The following MAT2B variants were observed in gnomAD, a reference collection of about 807,000 sequenced individuals.
The protein encoded by MAT2B is methionine adenosyltransferase 2 non-catalytic beta subunit, also known as methionine adenosyltransferase 2 subunit beta.
In MAT2B, 16 loss-of-function variants were observed where a neutral mutation model predicts 36.1. The ratio of observed to expected loss-of-function variants is 0.44; its 90% CI spans 0.30 to 0.67. MAT2B has a LOEUF of 0.67. Ranked by LOEUF, MAT2B falls within the 30% of genes least tolerant of loss-of-function variation. The pLI is 0.09. For synonymous variants in MAT2B, 148 were observed against 136.9 expected, an observed-to-expected ratio of 1.08 and a Z score of -0.57; for missense variants, 332 against 398.2, an observed-to-expected ratio of 0.83 and a Z score of 1.42.
In MAT2B at chr5:163,517,471, G is replaced by A. The variant is rs1003470300; in HGVS notation, c.721-90G>A. Reference sequence around the variant, plus strand: ...AAAGAGGGTTGCCTTTTAGTTCCTGGACCTTATTTTAAGTAAGCTTTTTGG... The same window carrying A: ...AAAGAGGGTTGCCTTTTAGTTCCTGAACCTTATTTTAAGTAAGCTTTTTGG... On this transcript the variant is annotated intron_variant, in intron 5 of 6. Coordinates refer to ENST00000321757, the MANE Select transcript of MAT2B (RefSeq NM_013283.5). The A allele has an allele frequency of 4.3e-6, 3 of 697,412 alleles. No individual in the cohort carries two copies. In the African/African-American group the frequency reaches 5.3e-5, roughly 12 times the overall value. 43.2% of individuals were successfully genotyped at this position (697,412 alleles called of 1,614,324 possible).
At chr5:163,510,394 CTT>C (rs1270371144) in intron 1 of MAT2B, among the ~76,000 whole-genome samples, 6 of 121,722 alleles carry the variant, frequency 4.9e-5, no homozygotes, top group Non-Finnish European at 1.0e-4. Context: ...TTAGTTTTAG[CTT>C]TTTTTTTTTT....
At position 163,513,627 on chromosome 5, in the gene MAT2B, CAACTT is replaced by C; in HGVS notation, c.334_338del (p.Leu112CysfsTer22). On this transcript the variant is annotated frameshift_variant, in exon 3 of 7. Transcript: ENST00000321757. LOFTEE classifies it high-confidence loss of function. ...AGAAAATCAGCCAGATGCTGCCTCT[CAACTT>C]AATGTGGATGCTTCTGGGAATTTAG... is the stretch of plus-strand genomic sequence containing the variant. 1.2e-6 allele frequency: 2 copies of C among 1,613,908 alleles called. No homozygotes were observed. The highest frequency in any genetic ancestry group is 1.7e-6 in the Non-Finnish European group (2 of 1,179,878).
upstream of MAT2B, among the ~76,000 whole-genome samples, chr5:163,504,919 G>T (rs1414897316): frequency 1.3e-5 from 2 of 152,148 alleles, no homozygotes; most frequent in Non-Finnish European, 2.9e-5. Context: ...AACCCATTAA[G>T]AAGTCGGACC....
intron 4 of MAT2B, 84 bp downstream of exon 4, chr5:163,514,078 TA>T: frequency 8.9e-7 from 1 of 1,128,286 alleles, no homozygotes; most frequent in Non-Finnish European, 1.2e-6. Flanking sequence ...GTTTTAAATT[TA>T]AAAAGTCAAT....
intron 1 of MAT2B, among the ~76,000 whole-genome samples, chr5:163,507,434 C>T (rs1442918461): frequency 6.6e-6 from 1 of 152,044 alleles, no homozygotes; most frequent in Non-Finnish European, 1.5e-5. Context: ...AATCTGGTCC[C>T]TTGGAGTGAT....
chr5:163,503,254 A>C, upstream of MAT2B: 8 of 699,058 alleles, frequency 1.1e-5, no homozygotes, highest in Non-Finnish European at 1.3e-5. Flanking sequence ...CAAAATGCTA[A>C]TTTAAAAGGT....
rs568336711 is a variant in MAT2B at position 163,516,757 on chromosome 5, C to G, written c.720+46C>G. The G allele has an allele frequency of 3.3e-5, 53 of 1,597,764 alleles. No individual in the cohort carries two copies. In the South Asian group the frequency reaches 5.3e-4, roughly 16 times the overall value. On this transcript the variant is annotated intron_variant, in intron 5 of 6. Coordinates refer to ENST00000321757, the MANE Select transcript of MAT2B (RefSeq NM_013283.5). ...CTGTCTTAGCGAAGGTCCGCTTTGT[C>G]TTTTCCATGCTTGAACTTTCACAGC...
intron 2 of MAT2B, 151 bp from the exon 3 acceptor site, chr5:163,513,404 T>C: frequency 1.8e-6 from 1 of 552,452 alleles, no homozygotes; most frequent in Admixed American, 3.3e-5. Context: ...AGAAGCAGCA[T>C]GACAAAACTA....
At chr5:163,510,019 TAAAA>T (rs889327391) in intron 1 of MAT2B, among the ~76,000 whole-genome samples, 1 of 151,670 alleles carries the variant, frequency 6.6e-6, no homozygotes, top group Non-Finnish European at 1.5e-5. Context: ...TGGTGTCTTT[TAAAA>T]AAAAATGTAT....
rs1760085121 is a variant in MAT2B at position 163,513,677 on chromosome 5, T to C, written c.373+8T>C. 3 of 1,601,328 alleles carry C rather than the reference T, an allele frequency of 1.9e-6. No individual in the cohort carries two copies. Among genetic ancestry groups the C allele is most frequent in the Non-Finnish European group, 2.6e-6 (3 of 1,170,940 alleles). On this transcript the variant is annotated splice_region_variant and intron_variant, in intron 3 of 6. Transcript: ENST00000321757. Reference sequence around the variant, plus strand: ...ATTTAGCAAAGGAAGCAGGTAATGATGACTTTATAAAATTTTCATAAAATA... The same window carrying C: ...ATTTAGCAAAGGAAGCAGGTAATGACGACTTTATAAAATTTTCATAAAATA...
intron 4 of MAT2B, 52 bp downstream of exon 4, chr5:163,514,046 A>G (rs1760092410): frequency 6.9e-7 from 1 of 1,450,830 alleles, no homozygotes; most frequent in South Asian, 1.3e-5. Flanking sequence ...TTTAAAAATC[A>G]TTTATACATA....
intron 5 of MAT2B, 25 bp from the exon 6 acceptor site, chr5:163,517,536 G>C: frequency 2.1e-6 from 3 of 1,396,074 alleles, no homozygotes; most frequent in Non-Finnish European, 3.1e-6. Context: ...TGAAACTATT[G>C]AATTTATTGT....
At position 163,505,632 on chromosome 5, in the gene MAT2B, A is replaced by C. The variant is rs1322768430; in HGVS notation, c.-55A>C. ...GGCGTCTGAGCTGAGGCCCGCGTCG[A>C]TCCTGGGTTGGAGGAGGTGGCGGCC... On this transcript the variant is annotated 5_prime_UTR_variant, in exon 1 of 7. Coordinates refer to ENST00000321757, the MANE Select transcript of MAT2B (RefSeq NM_013283.5). The C allele has an allele frequency of 8.0e-7, 1 of 1,253,938 alleles. No individual in the cohort carries two copies. Among genetic ancestry groups the C allele is most frequent in the Non-Finnish European group, 1.0e-6 (1 of 991,086 alleles). 77.7% of individuals were successfully genotyped at this position (1,253,938 alleles called of 1,614,324 possible).
chr5:163,512,074 A>C lies in MAT2B; in HGVS notation c.136A>C (p.Lys46Gln). Residue 46 changes from lysine to glutamine, a missense_variant, in exon 2 of 7, where the codon AAA (lysine) becomes CAA (glutamine). By Grantham distance (53) the Lys-to-Gln change is moderately conservative. Coordinates refer to ENST00000321757, the MANE Select transcript of MAT2B (RefSeq NM_013283.5). ...ATGLLGRAVH[K>Q]EFQQNNWHAV... ...TGGGCTTCTTGGCAGAGCTGTACAC[A>C]AAGAATTTCAGCAGAATAATTGGCA... 6.2e-7 allele frequency: 1 copy of C among 1,614,204 alleles called. No individual in the cohort carries two copies. The highest frequency in any genetic ancestry group is 1.1e-5 in the South Asian group (1 of 91,090).
intron 1 of MAT2B, among the ~76,000 whole-genome samples, chr5:163,509,349 T>C (rs953606518): frequency 3.9e-5 from 6 of 152,230 alleles, no homozygotes; most frequent in African/African-American, 1.4e-4. Flanking sequence ...ATGGCACTTT[T>C]TGTTTTCCTT....
Position 163,516,581 on chromosome 5 carries a change from T to G in MAT2B, c.590T>G (p.Val197Gly). ...GTTGAAAAGCTCGAAGAAAGTGCTG[T>G]GACTGTTATGTTTGATAAAGTGCAG... ...GEVEKLEESA[V>G]TVMFDKVQFS... is the part of the protein sequence containing the mutation. Residue 197 changes from valine (V) to glycine (G), a missense_variant, in exon 5 of 7, where the codon GTG becomes GGG. Physicochemically the swap from Val to Gly is moderately radical, Grantham distance 109. Coordinates refer to ENST00000321757, the MANE Select transcript of MAT2B (RefSeq NM_013283.5). 6.2e-7 allele frequency: 1 copy of G among 1,614,216 alleles called. No individual in the cohort carries two copies. Among genetic ancestry groups the G allele is most frequent in the South Asian group, 1.1e-5 (1 of 91,086 alleles).
rs781605147 is a variant in MAT2B, at chr5:163,519,259, A to G, written c.*896A>G. On this transcript the variant is annotated 3_prime_UTR_variant, in exon 7 of 7. Coordinates refer to ENST00000321757, the MANE Select transcript of MAT2B (RefSeq NM_013283.5). ...TTTAAAAATTACATTCTTCTGATGT[A>G]ACATGTGATACATACAAAAGAATAT... The G allele has an allele frequency of 1.3e-5, 2 of 152,204 alleles. No individual in the cohort carries two copies. The highest frequency in any genetic ancestry group is 2.9e-5 in the Non-Finnish European group (2 of 68,024). 9.4% of individuals were successfully genotyped at this position (152,204 alleles called of 1,614,324 possible). A position where few individuals can be genotyped will look rare whatever the true frequency, so the allele number is the denominator to read the frequency against.
intron 3 of MAT2B, 50 bp downstream of exon 3, chr5:163,513,719 T>A: frequency 6.5e-7 from 1 of 1,540,748 alleles, no homozygotes; most frequent in East Asian, 2.3e-5. Flanking sequence ...GATTGCTGAG[T>A]TTTTAGAAAT....
intron 2 of MAT2B, chr5:163,512,627 C>G (rs1760063627): frequency 4.7e-6 from 2 of 429,366 alleles, no homozygotes; most frequent in Non-Finnish European, 9.2e-6. Context: ...AATGATAGCT[C>G]TTTCCTTTTG....
Sources: allele counts gnomAD v4.1 joint callset (sites outside exome capture counted in the v4.1 genomes callset), GRCh38; gene constraint gnomAD v4.1.1; transcripts MANE v1.5; gene names NCBI Gene and HGNC (gene_info 2026-07-23, HGNC 2026-07-21).